SLC24A3: variants seen among roughly 807,000 people sequenced by gnomAD.
SLC24A3 encodes the protein solute carrier family 24 member 3.
In SLC24A3, 28 loss-of-function variants were observed where a neutral mutation model predicts 75.8. That is an observed-to-expected ratio of 0.37 (90% confidence interval 0.27 to 0.51). SLC24A3 has a LOEUF of 0.51. SLC24A3 is among the 20% of genes least tolerant of loss of function. The pLI, the probability that SLC24A3 is intolerant of heterozygous loss-of-function variation, is 0.94. For synonymous variants in SLC24A3, 372 were observed against 334.1 expected, an observed-to-expected ratio of 1.11 and a Z score of -1.24; for missense variants, 663 against 847.8, an observed-to-expected ratio of 0.78 and a Z score of 2.71.
chr20:19,242,734 G>C (rs1982366408), intron 1 of SLC24A3, among the ~76,000 whole-genome samples: 1 of 152,164 alleles, frequency 6.6e-6, no homozygotes, highest in East Asian at 1.9e-4. Context: ...CACAAATATA[G>C]ATCAGGAGTA....
At position 19,346,317 on chromosome 20, in the gene SLC24A3, GTA is replaced by G. The variant is rs796384417; in HGVS notation, c.271+65240_271+65241del. Among the ~76,000 whole-genome samples the G allele has an allele frequency of 3.5e-3, 295 of 84,930 alleles. 6 individuals are homozygous for G. The highest frequency in any genetic ancestry group is 0.018 in the African/African-American group (257 of 14,294). The allele number at this position is 84,930 out of a possible 152,430, so 55.7% of individuals were successfully genotyped here. A position where few individuals can be genotyped will look rare whatever the true frequency, so the allele number is the denominator to read the frequency against. ...TATATATGGTGTATATATATATATG[GTA>G]TATATATATGGTGTATATATATATG... On this transcript the variant is annotated intron_variant, in intron 2 of 16. Transcript: ENST00000328041.
At position 19,496,116 on chromosome 20, in the gene SLC24A3, G is replaced by A. The variant is rs1427232186; in HGVS notation, c.272-19372G>A. Among the ~76,000 whole-genome samples, 3 of 152,292 alleles carry A rather than the reference G, an allele frequency of 2.0e-5. No homozygotes were observed. In the East Asian group the frequency reaches 5.8e-4, roughly 29 times the overall value. On this transcript the variant is annotated intron_variant, in intron 2 of 16. Coordinates refer to ENST00000328041, the MANE Select transcript of SLC24A3 (RefSeq NM_020689.4). ...GGGACACCCCGGCTCCCTTTGGCTG[G>A]CACAGGGAATGGAAACTTTGGCCAC...
intron 2 of SLC24A3, among the ~76,000 whole-genome samples, chr20:19,422,483 T>C (rs1986933800): frequency 1.3e-5 from 2 of 152,294 alleles, no homozygotes; most frequent in South Asian, 4.1e-4. Context: ...TCAGTGGGGC[T>C]GTCAGGAACC....
chr20:19,564,256 T>A (rs1206624831), intron 3 of SLC24A3, among the ~76,000 whole-genome samples: 1 of 152,112 alleles, frequency 6.6e-6, no homozygotes, highest in Non-Finnish European at 1.5e-5. Flanking sequence ...CCAGTAGAGG[T>A]CACGGGCATT....
intron 2 of SLC24A3, among the ~76,000 whole-genome samples, chr20:19,502,083 A>G (rs549696053): frequency 8.5e-5 from 13 of 152,264 alleles, no homozygotes; most frequent in African/African-American, 3.1e-4. Flanking sequence ...AAAGAAAACT[A>G]GACTGGCAGA....
intron 3 of SLC24A3, among the ~76,000 whole-genome samples, chr20:19,537,316 A>G (rs545871300): frequency 6.6e-6 from 1 of 152,336 alleles, no homozygotes; most frequent in Non-Finnish European, 1.5e-5. Flanking sequence ...GCAAATCAAA[A>G]CCACAGCGAG....
intron 15 of SLC24A3, among the ~76,000 whole-genome samples, chr20:19,706,122 A>G (rs1018251267): frequency 1.3e-5 from 2 of 152,176 alleles, no homozygotes; most frequent in Non-Finnish European, 2.9e-5. Flanking sequence ...GCAAGAGACC[A>G]CCAGAGTCCA....
chr20:19,499,738 A>G (rs961119513), intron 2 of SLC24A3, among the ~76,000 whole-genome samples: 8 of 152,182 alleles, frequency 5.3e-5, no homozygotes, highest in Admixed American at 5.2e-4. Flanking sequence ...ATACACCTAG[A>G]TACTTGCGTA....
At chr20:19,395,198 G>A (rs567133558) in intron 2 of SLC24A3, among the ~76,000 whole-genome samples, 5 of 152,252 alleles carry the variant, frequency 3.3e-5, no homozygotes, top group South Asian at 2.1e-4. Context: ...AGAAATAAGG[G>A]GAGCTACCGT....
chr20:19,577,761 G>T (rs1791490642), intron 3 of SLC24A3, among the ~76,000 whole-genome samples: 1 of 152,142 alleles, frequency 6.6e-6, no homozygotes, highest in South Asian at 2.1e-4. Flanking sequence ...TATTATGAAT[G>T]CCTTTCCTTA....
At chr20:19,312,523 A>G (rs1984484441) in intron 2 of SLC24A3, among the ~76,000 whole-genome samples, 1 of 152,230 alleles carries the variant, frequency 6.6e-6, no homozygotes, top group South Asian at 2.1e-4. Context: ...GCACAAGGGT[A>G]ACTGACCATT....
At chr20:19,696,535 C>T in intron 13 of SLC24A3, 2 of 386,064 alleles carry the variant, frequency 5.2e-6, no homozygotes, top group Admixed American at 4.1e-5. Flanking sequence ...CTCAAACCAC[C>T]CGCCTCACCG....
At chr20:19,355,851 G>A (rs909255838) in intron 2 of SLC24A3, among the ~76,000 whole-genome samples, 9 of 152,162 alleles carry the variant, frequency 5.9e-5, no homozygotes, top group Admixed American at 2.6e-4. Context: ...CCTGACTGCC[G>A]TTGATGATAA....
chr20:19,722,191 G>C lies in SLC24A3; in HGVS notation c.*1051G>C, dbSNP rs1357069292. The C allele has an allele frequency of 1.3e-5, 2 of 152,738 alleles. No homozygotes were observed. The highest frequency in any genetic ancestry group is 2.4e-5 in the African/African-American group (1 of 41,446). The allele number at this position is 152,738 out of a possible 1,614,324, so 9.5% of individuals were successfully genotyped here. ...CAGGAGTTACAGACACTGGTTTCTT[G>C]GAAAATGGAGAGAAGCGCACTTTGC... On this transcript the variant is annotated 3_prime_UTR_variant, in exon 17 of 17. Coordinates refer to ENST00000328041, the MANE Select transcript of SLC24A3 (RefSeq NM_020689.4).
intron 15 of SLC24A3, among the ~76,000 whole-genome samples, chr20:19,702,009 A>C (rs1244805343): frequency 6.6e-6 from 1 of 152,186 alleles, no homozygotes. Flanking sequence ...CAATCATAGA[A>C]GGTGAAATCA....
chr20:19,242,815 A>G, intron 1 of SLC24A3, among the ~76,000 whole-genome samples: 1 of 152,216 alleles, frequency 6.6e-6, no homozygotes, highest in East Asian at 1.9e-4. Flanking sequence ...GATTGAACCT[A>G]CTAGACAAAA....
At chr20:19,248,941 C>T (rs920378380) in intron 1 of SLC24A3, among the ~76,000 whole-genome samples, 3 of 150,080 alleles carry the variant, frequency 2.0e-5, no homozygotes, top group African/African-American at 7.4e-5. Flanking sequence ...AATAACCAGA[C>T]ACATAGAAGC....
chr20:19,288,718 T>C (rs1320837190), intron 2 of SLC24A3, among the ~76,000 whole-genome samples: 1 of 152,206 alleles, frequency 6.6e-6, no homozygotes, highest in African/African-American at 2.4e-5. Context: ...TTCAGAGTCA[T>C]AAATGCAAAA....
At chr20:19,648,586 ATCTT>A (rs143124044) in intron 6 of SLC24A3, among the ~76,000 whole-genome samples, 9,814 of 151,976 alleles carry the variant, frequency 0.065, 349 homozygotes, top group Middle Eastern at 0.14. Flanking sequence ...TACGCAATCT[ATCTT>A]CATATATACT....
Sources: allele counts gnomAD v4.1 joint callset (sites outside exome capture counted in the v4.1 genomes callset), GRCh38; gene constraint gnomAD v4.1.1; transcripts MANE v1.5; gene names NCBI Gene and HGNC (gene_info 2026-07-23, HGNC 2026-07-21).